The following RRN3 variants were observed in gnomAD, a reference collection of about 807,000 sequenced individuals.
The protein encoded by RRN3 is RNA polymerase I-specific transcription initiation factor RRN3.
A neutral mutation model predicts 82.3 loss-of-function variants in RRN3; 38 were observed. The observed-to-expected ratio is 0.46, with a 90% CI of 0.36 to 0.61. The LOEUF is 0.61. Ranked by LOEUF, RRN3 falls within the 20% of genes least tolerant of loss-of-function variation. The pLI is 0.00. For synonymous variants in RRN3, 284 were observed against 284.3 expected, an observed-to-expected ratio of 1.00 and a Z score of 0.01; for missense variants, 726 against 793.1, an observed-to-expected ratio of 0.92 and a Z score of 1.02.
rs529309960 is a variant in RRN3 at position 15,072,481 on chromosome 16, A to G, written c.1128+469T>C. Among the ~76,000 whole-genome samples, 601 of 152,224 alleles carry G rather than the reference A, an allele frequency of 3.9e-3. 2 individuals are homozygous for G. Among genetic ancestry groups the G allele is most frequent in the Admixed American group, 7.4e-3 (113 of 15,290 alleles). On this transcript the variant is annotated intron_variant, in intron 12 of 17. Transcript: ENST00000198767. ...GCACCTAGCTGGGCTGGCAGGCAGC[A>G]ATCTGTTTTCTCTCCAAGTGTACTG... is the stretch of plus-strand genomic sequence containing the variant.
At chr16:15,092,944 GT>G (rs2046195494) in intron 1 of RRN3, among the ~76,000 whole-genome samples, 1 of 151,940 alleles carries the variant, frequency 6.6e-6, no homozygotes, top group African/African-American at 2.4e-5. Context: ...AAGCCAAGCT[GT>G]TTTTCATTTC....
At chr16:15,088,573 C>A (rs2045997929) in intron 3 of RRN3, among the ~76,000 whole-genome samples, 3 of 151,788 alleles carry the variant, frequency 2.0e-5, no homozygotes, top group African/African-American at 7.3e-5. Context: ...CAGTGGAACA[C>A]AAAGAAAATG....
chr16:15,065,103 T>C, intron 16 of RRN3, 116 bp downstream of exon 16: 2 of 1,044,254 alleles, frequency 1.9e-6, no homozygotes, highest in Non-Finnish European at 2.8e-6. Context: ...GAGGCGGAGC[T>C]TGCGGTAAGC....
At chr16:15,077,263 G>A (rs1306310430) in intron 9 of RRN3, among the ~76,000 whole-genome samples, 1 of 152,086 alleles carries the variant, frequency 6.6e-6, no homozygotes, top group Non-Finnish European at 1.5e-5. Flanking sequence ...ACAGGCATGA[G>A]CCACCGCGCC....
At chr16:15,083,414 A>G (rs189162671) in intron 8 of RRN3, 99 bp downstream of exon 8, 29 of 1,540,316 alleles carry the variant, frequency 1.9e-5, no homozygotes, top group Non-Finnish European at 2.5e-5. Flanking sequence ...AGAAAAAGAA[A>G]AAGAAAGACT....
chr16:15,087,067 C>T (rs1246160350), intron 3 of RRN3, among the ~76,000 whole-genome samples: 1 of 152,000 alleles, frequency 6.6e-6, no homozygotes, highest in Non-Finnish European at 1.5e-5. Context: ...ATTTGAAACG[C>T]AATGTATAAA....
At chr16:15,079,087 T>A (rs974997703) in intron 9 of RRN3, among the ~76,000 whole-genome samples, 1 of 152,024 alleles carries the variant, frequency 6.6e-6, no homozygotes, top group East Asian at 1.9e-4. Flanking sequence ...TGGGATTACA[T>A]GCGTGAGCCA....
chr16:15,082,820 C>T (rs1391763496), intron 8 of RRN3, among the ~76,000 whole-genome samples: 4 of 152,232 alleles, frequency 2.6e-5, no homozygotes, highest in East Asian at 1.9e-4. Flanking sequence ...ATGATCTGAA[C>T]ATTGTACAAA....
chr16:15,094,114 G>C (rs776394680), intron 1 of RRN3, 31 bp downstream of exon 1: 4 of 1,562,374 alleles, frequency 2.6e-6, no homozygotes, highest in African/African-American at 2.7e-5. Context: ...TTTCGTCCCA[G>C]ATACGCAGAA....
Position 15,072,992 on chromosome 16 carries a change from G to A in RRN3, c.1086C>T (p.Cys362=), listed in dbSNP as rs2045300296. ...GGTAAAACATGAAAAACTGTACATG[G>A]CAGGAGGCATGGGTGGGCAACAGGA... ...DKLLLPTHAS[C]HVQFFMFYLC... The change falls in exon 12 of 18, where the codon TGC becomes TGT. Residue 362 remains cysteine (C), a synonymous_variant. Coordinates refer to ENST00000198767, the MANE Select transcript of RRN3 (RefSeq NM_018427.5). 6.2e-7 allele frequency: 1 copy of A among 1,613,702 alleles called. No individual in the cohort carries two copies. The highest frequency in any genetic ancestry group is 8.5e-7 in the Non-Finnish European group (1 of 1,179,824).
chr16:15,075,249 C>CTA (rs1567201836), intron 10 of RRN3, among the ~76,000 whole-genome samples: 1 of 135,262 alleles, frequency 7.4e-6, no homozygotes, highest in Non-Finnish European at 1.6e-5. Context: ...CTGTGCCCCA[C>CTA]CAAAAAAAAA....
Position 15,094,200 on chromosome 16 carries a change from C to T in RRN3, c.34G>A (p.Gly12Arg). 5 of 1,599,424 alleles carry T rather than the reference C, an allele frequency of 3.1e-6. No individual in the cohort carries two copies. The highest frequency in any genetic ancestry group is 4.3e-6 in the Non-Finnish European group (5 of 1,173,632). The change falls in exon 1 of 18, where the codon GGA (glycine) becomes AGA (arginine). Residue 12 changes from glycine (G) to arginine (R), a missense_variant. By Grantham distance (125) the Gly-to-Arg change is moderately radical. Coordinates refer to ENST00000198767, the MANE Select transcript of RRN3 (RefSeq NM_018427.5). ...AAPLLHTRLP[G>R]DAAASSSAVK... Reference sequence around the variant, plus strand: ...GCAGAGGACGAAGCGGCCGCATCTCCCGGCAAACGCGTGTGAAGCAGCGGT... The same window carrying T: ...GCAGAGGACGAAGCGGCCGCATCTCTCGGCAAACGCGTGTGAAGCAGCGGT...
intron 15 of RRN3, among the ~76,000 whole-genome samples, chr16:15,065,818 G>C (rs1379673828): frequency 1.3e-5 from 2 of 152,190 alleles, no homozygotes; most frequent in Non-Finnish European, 2.9e-5. Context: ...TTGGTGAAGA[G>C]ACTTGCTGAA....
Position 15,060,244 on chromosome 16 carries a change from A to G in RRN3, c.*1500T>C. On this transcript the variant is annotated 3_prime_UTR_variant, in exon 18 of 18. Transcript: ENST00000198767. ...GAATTTCGTTTACTCGTTTTATCTA[A>G]TATTAAAAAATCAACATTTTGCCAG... The G allele has an allele frequency of 3.0e-6, 1 of 338,588 alleles. No individual in the cohort carries two copies. The highest frequency in any genetic ancestry group is 2.4e-5 in the South Asian group (1 of 41,746). The allele number at this position is 338,588 out of a possible 1,614,324, so 21.0% of individuals were successfully genotyped here.
rs780371838 is a variant in RRN3 at position 15,065,197 on chromosome 16, G to A, written c.1706+22C>T. On this transcript the variant is annotated intron_variant, in intron 16 of 17. Transcript: ENST00000198767. ...AAAAAAAAAATCCACCTCCTCCAGC[G>A]TCAATGTTTAAAAGTACCTACCTCT... The A allele has an allele frequency of 8.9e-6, 14 of 1,571,270 alleles. No homozygotes were observed. In the Admixed American group the frequency reaches 1.4e-4, roughly 16 times the overall value.
chr16:15,081,607 T>C (rs952986420), intron 8 of RRN3, among the ~76,000 whole-genome samples: 2 of 152,170 alleles, frequency 1.3e-5, no homozygotes, highest in African/African-American at 4.8e-5. Flanking sequence ...TTAGAAATAT[T>C]TCCTCCCATT....
intron 3 of RRN3, among the ~76,000 whole-genome samples, chr16:15,089,057 C>A (rs1201558855): frequency 6.6e-6 from 1 of 152,124 alleles, no homozygotes; most frequent in Non-Finnish European, 1.5e-5. Flanking sequence ...AATCCCAGCA[C>A]TTTGGGAGGC....
intron 17 of RRN3, among the ~76,000 whole-genome samples, chr16:15,062,544 C>T (rs2044755934): frequency 1.3e-5 from 2 of 152,220 alleles, no homozygotes; most frequent in Non-Finnish European, 1.5e-5. Flanking sequence ...CTGTAACTGT[C>T]TCAGCTCCAC....
At chr16:15,064,724 C>T (rs1044268531) in intron 16 of RRN3, among the ~76,000 whole-genome samples, 1 of 152,240 alleles carries the variant, frequency 6.6e-6, no homozygotes. Context: ...CTGCGCCACT[C>T]GGCAAGTCCT....
Sources: gnomAD v4.1 joint callset for allele counts (sites outside exome capture counted in the v4.1 genomes callset) on GRCh38, gnomAD v4.1.1 for gene constraint, MANE v1.5 for transcripts, NCBI Gene and HGNC (gene_info 2026-07-23, HGNC 2026-07-21) for gene names.